Variants in SEC22C observed in about 807,000 individuals in gnomAD.
SEC22C encodes the protein vesicle-trafficking protein SEC22c.
Under a neutral mutation model 34.7 loss-of-function variants are expected in SEC22C, and 29 were observed. That is an observed-to-expected ratio of 0.84 (90% CI 0.62 to 1.14). The LOEUF (loss-of-function observed/expected upper bound fraction) is 1.14. SEC22C is among the 50% of genes most tolerant of loss of function. SEC22C has a pLI of 0.00. For missense variants in SEC22C, 337 were observed against 369.0 expected, an observed-to-expected ratio of 0.91 and a Z score of 0.71; for synonymous variants, 117 against 132.8, an observed-to-expected ratio of 0.88 and a Z score of 0.82.
Position 42,592,873 on chromosome 3 carries a change from C to T in SEC22C, c.-28+8087G>A, listed in dbSNP as rs543441169. Reference sequence around the variant, plus strand: ...TTTTTGGGTGAAGAACTCTACCCCCCCCACCGTAAACTTATGTTGATCATG... The same window carrying T: ...TTTTTGGGTGAAGAACTCTACCCCCTCCACCGTAAACTTATGTTGATCATG... On this transcript the variant is annotated intron_variant, in intron 1 of 6. Coordinates refer to the SEC22C transcript ENST00000417572. 4.6e-5 allele frequency among the ~76,000 whole-genome samples: 7 copies of T among 152,216 alleles called. No homozygotes were observed. The South Asian group carries it at 1.2e-3, about 27-fold the overall frequency.
chr3:42,550,905 T>C lies in SEC22C; in HGVS notation c.*2343A>G. On this transcript the variant is annotated 3_prime_UTR_variant, in exon 7 of 7. Transcript: ENST00000264454. ...TTTTTTTTGAGACGGAGTCTTGCTT[T>C]GTCACCAGGCTGGAGTGCAGTGGCT... The C allele has an allele frequency of 3.1e-6, 3 of 974,056 alleles. No individual in the cohort carries two copies. The highest frequency in any genetic ancestry group is 3.7e-6 in the Non-Finnish European group (3 of 820,508). The allele number at this position is 974,056 out of a possible 1,614,324, so 60.3% of individuals were successfully genotyped here.
intron 1 of SEC22C, among the ~76,000 whole-genome samples, 183 bp from the exon 2 acceptor site, chr3:42,569,256 A>G (rs748729178): frequency 2.6e-5 from 4 of 152,100 alleles, no homozygotes; most frequent in Non-Finnish European, 5.9e-5. Context: ...TCCCTTCATT[A>G]TCCTCCCTGC....
rs1702893254 is a variant in SEC22C, at chr3:42,561,305, A to G, written c.347-9T>C. ...TTTCTGAATGATGCTGTCTGCAAAA[A>G]GAGAGCAACACAAGTTAAGCATTTT... On this transcript the variant is annotated splice_polypyrimidine_tract_variant and intron_variant, in intron 3 of 6. Transcript: ENST00000264454. 2.5e-6 allele frequency: 4 copies of G among 1,613,680 alleles called. No homozygotes were observed. The highest frequency in any genetic ancestry group is 3.4e-6 in the Non-Finnish European group (4 of 1,179,534).
chr3:42,590,894 C>T (rs762938007), intron 1 of SEC22C: 2 of 1,444,682 alleles, frequency 1.4e-6, no homozygotes, highest in Non-Finnish European at 1.9e-6. Context: ...GGAGGTTCCT[C>T]GGGATGTCGG....
intron 1 of SEC22C, among the ~76,000 whole-genome samples, chr3:42,598,008 C>A: frequency 6.6e-6 from 1 of 152,190 alleles, no homozygotes. Flanking sequence ...CTATGGAAAA[C>A]AGTATGGTAA....
At chr3:42,577,033 G>C (rs1051124249) in intron 1 of SEC22C, among the ~76,000 whole-genome samples, 1 of 152,120 alleles carries the variant, frequency 6.6e-6, no homozygotes, top group African/African-American at 2.4e-5. Flanking sequence ...AGGAAGGGTA[G>C]TCTTTTCTAT....
chr3:42,592,532 T>C (rs2125741125), intron 1 of SEC22C, among the ~76,000 whole-genome samples: 1 of 152,184 alleles, frequency 6.6e-6, no homozygotes, highest in East Asian at 1.9e-4. Context: ...AATATATTAT[T>C]TCATTGTTAC....
intron 2 of SEC22C, among the ~76,000 whole-genome samples, chr3:42,568,016 G>A (rs1703364564): frequency 6.6e-6 from 1 of 152,120 alleles, no homozygotes; most frequent in Admixed American, 6.5e-5. Context: ...AGGTTGCAGT[G>A]TGCAGAGAGT....
rs947588475 is a variant in SEC22C, at chr3:42,550,577, AC to A, written c.*2670del. ...CAATGTTTTTGTGGTCATTACTTGT[AC>A]TGTTTTTCTAGTGCATCTTTTCCCT... On this transcript the variant is annotated 3_prime_UTR_variant, in exon 7 of 7. Transcript: ENST00000264454. 1 of 985,300 alleles carries A rather than the reference AC, an allele frequency of 1.0e-6. No homozygotes were observed. Among genetic ancestry groups the A allele is most frequent in the Non-Finnish European group, 1.2e-6 (1 of 829,944 alleles). The allele number at this position is 985,300 out of a possible 1,614,324, so 61.0% of individuals were successfully genotyped here.
At chr3:42,563,901 C>G (rs1703080704) in intron 2 of SEC22C, 25 of 1,447,696 alleles carry the variant, frequency 1.7e-5, no homozygotes, top group Non-Finnish European at 2.3e-5. Context: ...TAATCAATGA[C>G]AGCCTGTGAT....
Position 42,550,424 on chromosome 3 carries a change from A to C in SEC22C, c.*2824T>G, listed in dbSNP as rs1328103027. On this transcript the variant is annotated 3_prime_UTR_variant, in exon 7 of 7. Coordinates refer to ENST00000264454, the MANE Select transcript of SEC22C (RefSeq NM_032970.4). ...TCACACAAGAGGCTATAAACCTCCA[A>C]CCCTGAACCAAGTCAAACCTAAGCC... The C allele has an allele frequency of 1.0e-6, 1 of 985,324 alleles. No homozygotes were observed. The highest frequency in any genetic ancestry group is 1.2e-6 in the Non-Finnish European group (1 of 829,942). The allele number at this position is 985,324 out of a possible 1,614,324, so 61.0% of individuals were successfully genotyped here.
intron 1 of SEC22C, among the ~76,000 whole-genome samples, chr3:42,576,718 G>A (rs1703988344): frequency 6.6e-6 from 1 of 151,252 alleles, no homozygotes; most frequent in Non-Finnish European, 1.5e-5. Context: ...TGATATACAG[G>A]TTTAATACAA....
chr3:42,591,319 C>T (rs1704829942), intron 1 of SEC22C: 1 of 598,628 alleles, frequency 1.7e-6, no homozygotes, highest in Non-Finnish European at 3.0e-6. Flanking sequence ...CTGCCTCAGC[C>T]TCCTGAGTAG....
In SEC22C at chr3:42,576,621, A is replaced by C. The variant is rs140194329; in HGVS notation, c.-28+5225T>G. Among the ~76,000 whole-genome samples, 24 of 152,260 alleles carry C rather than the reference A, an allele frequency of 1.6e-4. No homozygotes were observed. In the East Asian group the frequency reaches 4.6e-3, roughly 29 times the overall value. On this transcript the variant is annotated intron_variant, in intron 1 of 6. Transcript: ENST00000264454. ...CTGAAAACTACAAAATATTCCTGAA[A>C]TCAAAGTGCTAAATAAATGGGGAGA...
Position 42,563,690 on chromosome 3 carries a change from A to C in SEC22C, c.183-4T>G. 1 of 1,613,826 alleles carries C rather than the reference A, an allele frequency of 6.2e-7. No individual in the cohort carries two copies. Among genetic ancestry groups the C allele is most frequent in the East Asian group, 2.2e-5 (1 of 44,872 alleles). ...CACGTCCCCGAAAGAAGAAAAACTG[A>C]AACAAAAGGGCAATATCTGTATTAC... On this transcript the variant is annotated splice_polypyrimidine_tract_variant and splice_region_variant and intron_variant, in intron 2 of 6. Coordinates refer to ENST00000264454, the MANE Select transcript of SEC22C (RefSeq NM_032970.4).
chr3:42,596,832 CAGAA>C (rs1256562980), intron 1 of SEC22C, among the ~76,000 whole-genome samples: 3 of 152,096 alleles, frequency 2.0e-5, no homozygotes, highest in African/African-American at 7.2e-5. Flanking sequence ...TAACCAGTGG[CAGAA>C]AGAAGAGAAT....
intron 4 of SEC22C, among the ~76,000 whole-genome samples, chr3:42,560,338 T>A: frequency 6.7e-6 from 1 of 149,292 alleles, no homozygotes. Flanking sequence ...AACATAAAAT[T>A]TAAAAATAAT....
chr3:42,552,891 TAAAAC>T lies in SEC22C; in HGVS notation c.*352_*356del, dbSNP rs1219826373. The T allele has an allele frequency of 9.5e-7, 1 of 1,053,962 alleles. No homozygotes were observed. Among genetic ancestry groups the T allele is most frequent in the Non-Finnish European group, 1.1e-6 (1 of 873,256 alleles). 65.3% of individuals were successfully genotyped at this position (1,053,962 alleles called of 1,614,324 possible). Reference sequence around the variant, plus strand: ...TTCCTTGGAGACAACTCTCAATGACTAAAACCAGTGTTATTGAATCAAGTGGTTTA... The same window carrying T: ...TTCCTTGGAGACAACTCTCAATGACTCAGTGTTATTGAATCAAGTGGTTTA... On this transcript the variant is annotated 3_prime_UTR_variant, in exon 7 of 7. Coordinates refer to ENST00000264454, the MANE Select transcript of SEC22C (RefSeq NM_032970.4).
chr3:42,550,318 A>T lies in SEC22C; in HGVS notation c.*2930T>A, dbSNP rs1702186274. 1.0e-6 allele frequency: 1 copy of T among 985,360 alleles called. No individual in the cohort carries two copies. Among genetic ancestry groups the T allele is most frequent in the South Asian group, 4.7e-5 (1 of 21,290 alleles). 61.0% of individuals were successfully genotyped at this position (985,360 alleles called of 1,614,324 possible). On this transcript the variant is annotated 3_prime_UTR_variant, in exon 7 of 7. Coordinates refer to ENST00000264454, the MANE Select transcript of SEC22C (RefSeq NM_032970.4). The stretch of plus-strand genomic sequence containing the variant: ...GGTAGCATTTAACTACTGGGAAAAC[A>T]AAAGTGCTACAACAACAGTGAGTCC...
Sources: gnomAD v4.1 joint callset for allele counts (sites outside exome capture counted in the v4.1 genomes callset) on GRCh38, gnomAD v4.1.1 for gene constraint, MANE v1.5 for transcripts, NCBI Gene and HGNC (gene_info 2026-07-23, HGNC 2026-07-21) for gene names.